Variants in HDAC4 observed in about 807,000 individuals in gnomAD.
HDAC4 encodes histone deacetylase 4.
Under a neutral mutation model 135.1 loss-of-function variants are expected in HDAC4, and 16 were observed. That is an observed-to-expected ratio of 0.12 (90% CI 0.08 to 0.18). HDAC4 has a LOEUF of 0.18. HDAC4 is among the 10% of genes least tolerant of loss of function. HDAC4 has a pLI of 1.00. For missense variants in HDAC4, 1,143 were observed against 1,511.8 expected (o/e 0.76, Z 4.05); for synonymous variants, 685 against 653.4 (o/e 1.05, Z -0.74).
At chr2:239,147,919 C>T (rs185085123) in intron 7 of HDAC4, among the ~76,000 whole-genome samples, 24 of 152,230 alleles carry the variant, frequency 1.6e-4, no homozygotes, top group African/African-American at 5.5e-4. Flanking sequence ...CTGGCTCCTC[C>T]AACTTAAACA....
chr2:239,165,652 C>T (rs1486550551), intron 5 of HDAC4, among the ~76,000 whole-genome samples: 4 of 152,206 alleles, frequency 2.6e-5, no homozygotes, highest in African/African-American at 7.2e-5. Flanking sequence ...AACACAAAGG[C>T]GGCCAGGTGC....
At chr2:239,134,810 G>C (rs2040836970) in intron 9 of HDAC4, among the ~76,000 whole-genome samples, 167 bp from the exon 10 acceptor site, 1 of 152,178 alleles carries the variant, frequency 6.6e-6, no homozygotes, top group South Asian at 2.1e-4. Context: ...TTCAACACGT[G>C]CCACAACATG....
chr2:239,154,908 T>G (rs572480847), intron 7 of HDAC4: 2 of 152,390 alleles, frequency 1.3e-5, no homozygotes, highest in Admixed American at 1.3e-4. Flanking sequence ...CCAATAAAGG[T>G]TTATGGCCCA....
In HDAC4 at chr2:239,315,232, T is replaced by C. The variant is rs1029953959; in HGVS notation, c.22+37446A>G. Among the ~76,000 whole-genome samples the C allele has an allele frequency of 8.5e-5, 13 of 152,348 alleles. No homozygotes were observed. In the East Asian group the frequency reaches 1.7e-3, roughly 20 times the overall value. On this transcript the variant is annotated intron_variant, in intron 2 of 26. Transcript: ENST00000543185. ...CTTCCACATACTGACAGACGCCTCA[T>C]GTCTCCCTAAAAATGTATGAAACCA... is the stretch of plus-strand genomic sequence containing the variant.
chr2:239,081,186 T>C lies in HDAC4; in HGVS notation c.2659A>G (p.Thr887Ala), dbSNP rs776718124. The C allele has an allele frequency of 6.2e-7, 1 of 1,612,666 alleles. No homozygotes were observed. Among genetic ancestry groups the C allele is most frequent in the South Asian group, 1.1e-5 (1 of 90,856 alleles). ...PGSGAPDEVG[T>A]GPGVGFNVNM... Reference sequence around the variant, plus strand: ...ACGTTGAAACCCACGCCGGGCCCTGTGCCCACCTGTGGCCAGAAGGAGAGA... The same window carrying C: ...ACGTTGAAACCCACGCCGGGCCCTGCGCCCACCTGTGGCCAGAAGGAGAGA... The change falls in exon 22 of 27, where the codon ACA (threonine) becomes GCA (alanine). Residue 887 changes from threonine (T) to alanine (A), a missense_variant. Thr to Ala is a moderately conservative substitution (Grantham distance 58). This residue lies in a region of HDAC4 where 189 missense variants were observed against 317.6 expected (regional missense o/e 0.60). Coordinates refer to ENST00000543185, the MANE Select transcript of HDAC4 (RefSeq NM_001378414.1).
chr2:239,087,715 A>T, intron 18 of HDAC4, 101 bp from the exon 19 acceptor site: 1 of 1,073,354 alleles, frequency 9.3e-7, no homozygotes, highest in Non-Finnish European at 1.4e-6. Context: ...GTTGGGCTAC[A>T]CAGGAGGACA....
chr2:239,238,092 G>A (rs1407119467), intron 2 of HDAC4, among the ~76,000 whole-genome samples: 2 of 152,096 alleles, frequency 1.3e-5, no homozygotes, highest in Non-Finnish European at 2.9e-5. Context: ...CTTAGGAGAT[G>A]GCCTGGATGC....
intron 5 of HDAC4, among the ~76,000 whole-genome samples, chr2:239,168,280 G>A (rs931266612): frequency 1.3e-5 from 2 of 152,140 alleles, no homozygotes; most frequent in Admixed American, 6.5e-5. Context: ...GGCTGTATTC[G>A]CTCCACACTG....
intron 11 of HDAC4, among the ~76,000 whole-genome samples, chr2:239,131,905 G>A (rs1488220441): frequency 2.6e-5 from 4 of 152,350 alleles, no homozygotes; most frequent in East Asian, 3.9e-4. Flanking sequence ...CAGCGTGGGG[G>A]CCTCCAGGCC....
Position 239,147,955 on chromosome 2 carries a change from C to T in HDAC4, c.734-3241G>A, listed in dbSNP as rs141571029. ...TCCTGAGAGTCAGCTGCAGGTGAAGCGGCTCTCAGAGCCGGAACGCTTTAA... is the reference window on the plus strand; with the variant it reads ...TCCTGAGAGTCAGCTGCAGGTGAAGTGGCTCTCAGAGCCGGAACGCTTTAA... On this transcript the variant is annotated intron_variant, in intron 7 of 26. Coordinates refer to ENST00000543185, the MANE Select transcript of HDAC4 (RefSeq NM_001378414.1). Among the ~76,000 whole-genome samples the T allele has an allele frequency of 3.4e-4, 52 of 152,328 alleles. No individual in the cohort carries two copies. In the East Asian group the frequency reaches 7.5e-3, roughly 22 times the overall value.
chr2:239,384,077 G>A lies in HDAC4; in HGVS notation c.-220+16901C>T, dbSNP rs150379047. ...CCGGACACAGACAGAGAAGCAGCTC[G>A]TGGGCAACCCTCCATCGTGCTCTGC... On this transcript the variant is annotated intron_variant, in intron 1 of 26. Transcript: ENST00000543185. Among the ~76,000 whole-genome samples, 1,392 of 152,326 alleles carry A rather than the reference G, an allele frequency of 9.1e-3. 16 individuals are homozygous for A. The highest frequency in any genetic ancestry group is 0.014 in the Non-Finnish European group (925 of 68,032).
intron 2 of HDAC4, among the ~76,000 whole-genome samples, chr2:239,265,035 G>C (rs963795542): frequency 3.2e-4 from 49 of 152,190 alleles, no homozygotes; most frequent in Non-Finnish European, 1.0e-4. Flanking sequence ...GTGGACAGGG[G>C]TGCAGAGCCT....
chr2:239,308,636 T>C lies in HDAC4; in HGVS notation c.22+44042A>G, dbSNP rs1362147184. The stretch of plus-strand genomic sequence containing the variant: ...AAAGCACAAAGATCTATGTTCATGG[T>C]GTAGTCCAGGCAGAGTGTGGTTAAC... On this transcript the variant is annotated intron_variant, in intron 2 of 26. Transcript: ENST00000543185. This position sits in a 1 kb window ranked among gnomAD's most constrained non-coding sequence, Gnocchi z 4.2. Among the ~76,000 whole-genome samples the C allele has an allele frequency of 1.3e-5, 2 of 152,158 alleles. No individual in the cohort carries two copies. The highest frequency in any genetic ancestry group is 4.8e-5 in the African/African-American group (2 of 41,446).
At chr2:239,332,814 G>A (rs944955284) in intron 2 of HDAC4, among the ~76,000 whole-genome samples, 1 of 151,720 alleles carries the variant, frequency 6.6e-6, no homozygotes, top group African/African-American at 2.4e-5. Context: ...TAATAAATAA[G>A]CTCCTAGCAA....
At chr2:239,150,647 G>A (rs2152932428) in intron 7 of HDAC4, among the ~76,000 whole-genome samples, 1 of 143,536 alleles carries the variant, frequency 7.0e-6, no homozygotes, top group East Asian at 2.1e-4. Flanking sequence ...TTCACATACA[G>A]CAGCAGGAAG....
chr2:239,316,211 TAA>T (rs1201585899), intron 2 of HDAC4, among the ~76,000 whole-genome samples: 6 of 152,222 alleles, frequency 3.9e-5, no homozygotes, highest in South Asian at 4.1e-4. Flanking sequence ...CAAACTGATA[TAA>T]GTTTCCTATA....
intron 3 of HDAC4, among the ~76,000 whole-genome samples, chr2:239,213,483 C>A (rs1575424953): frequency 6.6e-6 from 1 of 152,214 alleles, no homozygotes. Flanking sequence ...ACAAACAAGC[C>A]TGCTGCTGTT....
At chr2:239,204,293 C>T (rs1159949538) in intron 3 of HDAC4, among the ~76,000 whole-genome samples, 3 of 152,220 alleles carry the variant, frequency 2.0e-5, no homozygotes, top group Admixed American at 1.3e-4. Context: ...TGCAGCGGCC[C>T]CTGTGCCCGG....
At chr2:239,194,627 G>T (rs1480930428) in intron 3 of HDAC4, among the ~76,000 whole-genome samples, 1 of 152,236 alleles carries the variant, frequency 6.6e-6, no homozygotes, top group Non-Finnish European at 1.5e-5. Flanking sequence ...CCCTATGGGG[G>T]AAGAAACTGC....
Sources: gnomAD v4.1 joint callset for allele counts (sites outside exome capture counted in the v4.1 genomes callset) on GRCh38, gnomAD v4.1.1 for gene constraint, gnomAD v4.1.1 regional missense constraint, Gnocchi (gnomAD v3.1) non-coding constraint, MANE v1.5 for transcripts, NCBI Gene and HGNC (gene_info 2026-07-23, HGNC 2026-07-21) for gene names.